SWT1: variants seen among roughly 807,000 people sequenced by gnomAD.
SWT1 encodes transcriptional protein SWT1.
A neutral mutation model predicts 107.3 loss-of-function variants in SWT1; 33 were observed. The observed-to-expected ratio is 0.31, with a 90% CI of 0.23 to 0.41. SWT1 has a LOEUF of 0.41. SWT1 is among the 10% of genes least tolerant of loss of function. The pLI is 1.00. For synonymous variants in SWT1, 345 were observed against 348.3 expected, an observed-to-expected ratio of 0.99 and a Z score of 0.11; for missense variants, 898 against 1,028.9, an observed-to-expected ratio of 0.87 and a Z score of 1.74.
chr1:185,227,775 C>A, intron 15 of SWT1: 1 of 379,768 alleles, frequency 2.6e-6, no homozygotes. Flanking sequence ...GGGAGAAAGG[C>A]GAGACATTTT....
At chr1:185,186,946 G>A (rs1426230358) in intron 9 of SWT1, among the ~76,000 whole-genome samples, 2 of 151,044 alleles carry the variant, frequency 1.3e-5, no homozygotes, top group East Asian at 3.9e-4. Context: ...GTAGAGATAG[G>A]GTTTCACCAT....
At position 185,178,871 on chromosome 1, in the gene SWT1, G is replaced by C. The variant is rs193159042; in HGVS notation, c.967-1520G>C. Among the ~76,000 whole-genome samples, 62 of 152,278 alleles carry C rather than the reference G, an allele frequency of 4.1e-4. 1 individual carries two copies. Among genetic ancestry groups the C allele is most frequent in the Non-Finnish European group, 1.0e-4 (7 of 68,010 alleles). On this transcript the variant is annotated intron_variant, in intron 5 of 18. Coordinates refer to ENST00000367500, the MANE Select transcript of SWT1 (RefSeq NM_017673.7). ...TGAAGTGTGTTGTTATATCATGTGAGGTTTGATGTTGGGTGGAAGCTGATT... is the reference window on the plus strand; with the variant it reads ...TGAAGTGTGTTGTTATATCATGTGACGTTTGATGTTGGGTGGAAGCTGATT...
At chr1:185,203,623 GAA>G (rs1432748352) in intron 11 of SWT1, among the ~76,000 whole-genome samples, 5 of 113,106 alleles carry the variant, frequency 4.4e-5, no homozygotes, top group East Asian at 2.6e-4. Flanking sequence ...CTCCGTCTCA[GAA>G]AAAAAAAAAA....
intron 14 of SWT1, among the ~76,000 whole-genome samples, chr1:185,218,165 C>T (rs1659366640): frequency 6.6e-6 from 1 of 152,134 alleles, no homozygotes; most frequent in African/African-American, 2.4e-5. Context: ...AAATAGATTA[C>T]CTCCAAAGAT....
Position 185,182,668 on chromosome 1 carries a change from C to CA in SWT1, c.1138+635dup, listed in dbSNP as rs59326029. ...TGACAGAACAAGACCCTCTCTCTCT[C>CA]AAAAAAAAAAAAAAAAAAAAAAAAG... is the stretch of plus-strand genomic sequence containing the variant. On this transcript the variant is annotated intron_variant, in intron 7 of 18. Transcript: ENST00000367500. 5.4e-3 allele frequency among the ~76,000 whole-genome samples: 361 copies of CA among 66,794 alleles called. 7 individuals are homozygous for CA. Among genetic ancestry groups the CA allele is most frequent in the East Asian group, 0.011 (22 of 2,066 alleles). 43.8% of individuals were successfully genotyped at this position (66,794 alleles called of 152,430 possible). A position where few individuals can be genotyped will look rare whatever the true frequency, so the allele number is the denominator to read the frequency against.
intron 13 of SWT1, 139 bp downstream of exon 13, chr1:185,206,902 A>G: frequency 1.6e-6 from 1 of 615,498 alleles, no homozygotes; most frequent in South Asian, 3.4e-5. Flanking sequence ...TTATAAAGGT[A>G]TTTGTGGAAA....
intron 4 of SWT1, among the ~76,000 whole-genome samples, chr1:185,170,887 AT>A (rs1654994995): frequency 6.6e-6 from 1 of 152,180 alleles, no homozygotes; most frequent in African/African-American, 2.4e-5. Context: ...AGAAACCTGC[AT>A]TTTATTGACA....
chr1:185,257,354 G>T (rs1346570974), intron 16 of SWT1, among the ~76,000 whole-genome samples: 1 of 152,184 alleles, frequency 6.6e-6, no homozygotes, highest in Non-Finnish European at 1.5e-5. Flanking sequence ...GCAAGCCTGG[G>T]CAATGGAGGG....
At chr1:185,246,352 A>G (rs1661605197) in intron 16 of SWT1, among the ~76,000 whole-genome samples, 1 of 151,684 alleles carries the variant, frequency 6.6e-6, no homozygotes, top group South Asian at 2.1e-4. Context: ...ATCATGGCTC[A>G]CTGCGACCTC....
At chr1:185,225,024 G>T (rs557488768) in intron 15 of SWT1, among the ~76,000 whole-genome samples, 1 of 152,064 alleles carries the variant, frequency 6.6e-6, no homozygotes, top group Non-Finnish European at 1.5e-5. Flanking sequence ...AGGTGTTCTT[G>T]TTCCTTCAGT....
intron 2 of SWT1, among the ~76,000 whole-genome samples, chr1:185,162,119 C>T (rs1314412319): frequency 2.0e-5 from 3 of 152,194 alleles, no homozygotes; most frequent in Non-Finnish European, 4.4e-5. Flanking sequence ...ATACAGTACT[C>T]TGTGTAATTT....
chr1:185,266,142 C>T (rs902192885), intron 16 of SWT1, among the ~76,000 whole-genome samples: 2 of 152,114 alleles, frequency 1.3e-5, no homozygotes, highest in Non-Finnish European at 2.9e-5. Context: ...TGGCTCACTG[C>T]AAGCTCCGCC....
intron 18 of SWT1, among the ~76,000 whole-genome samples, chr1:185,278,503 C>CT (rs1289660236): frequency 1.3e-5 from 2 of 152,198 alleles, no homozygotes; most frequent in Non-Finnish European, 2.9e-5. Flanking sequence ...AGATGTCCCT[C>CT]TAATTCTAGG....
intron 16 of SWT1, among the ~76,000 whole-genome samples, chr1:185,235,149 G>A (rs1391755599): frequency 1.3e-5 from 2 of 152,134 alleles, no homozygotes; most frequent in East Asian, 3.8e-4. Context: ...AGAGGAGCTG[G>A]TATCATTTCT....
chr1:185,226,732 CTTTT>C (rs35307844), intron 15 of SWT1: 917 of 375,592 alleles, frequency 2.4e-3, no homozygotes, highest in East Asian at 4.2e-3. Flanking sequence ...GCTTCTGAGA[CTTTT>C]TTTTTTTTTT....
intron 13 of SWT1, among the ~76,000 whole-genome samples, chr1:185,209,540 C>A (rs2102479561): frequency 6.6e-6 from 1 of 152,270 alleles, no homozygotes; most frequent in East Asian, 1.9e-4. Flanking sequence ...CATGTCCCTG[C>A]AAAGGAGATG....
At chr1:185,257,161 G>T (rs1006390372) in intron 16 of SWT1, among the ~76,000 whole-genome samples, 1 of 152,100 alleles carries the variant, frequency 6.6e-6, no homozygotes, top group African/African-American at 2.4e-5. Context: ...GCTGTGTGCT[G>T]GGAGAACCAC....
At chr1:185,162,816 TA>T (rs1218358032) in intron 2 of SWT1, among the ~76,000 whole-genome samples, 3 of 151,758 alleles carry the variant, frequency 2.0e-5, no homozygotes, top group Non-Finnish European at 4.4e-5. Flanking sequence ...GCATTATGTC[TA>T]AAAAAATGTG....
intron 6 of SWT1, among the ~76,000 whole-genome samples, 198 bp from the exon 7 acceptor site, chr1:185,181,748 A>G (rs191312544): frequency 5.9e-5 from 9 of 152,366 alleles, no homozygotes; most frequent in African/African-American, 2.2e-4. Context: ...TAGGTTATGG[A>G]GGTAAGAAGA....
Sources: allele counts gnomAD v4.1 joint callset (sites outside exome capture counted in the v4.1 genomes callset), GRCh38; gene constraint gnomAD v4.1.1; transcripts MANE v1.5; gene names NCBI Gene and HGNC (gene_info 2026-07-23, HGNC 2026-07-21).